The following AGBL4 variants were observed in gnomAD, a reference collection of about 807,000 sequenced individuals.
AGBL4 encodes the protein AGBL carboxypeptidase 4.
In AGBL4, 58 loss-of-function variants were observed where a neutral mutation model predicts 66.4. The ratio of observed to expected loss-of-function variants is 0.87; its 90% CI spans 0.71 to 1.09. The LOEUF (loss-of-function observed/expected upper bound fraction) is 1.09, where lower values mean the gene tolerates loss of function less well. AGBL4 is among the 50% of genes least tolerant of loss of function. The pLI, the probability that AGBL4 is intolerant of heterozygous loss-of-function variation, is 0.00. For synonymous variants in AGBL4, 234 were observed against 222.9 expected (o/e 1.05, Z -0.44); for missense variants, 579 against 631.0 (o/e 0.92, Z 0.88).
At chr1:49,664,769 T>C (rs1646330808) in intron 3 of AGBL4, among the ~76,000 whole-genome samples, 1 of 152,130 alleles carries the variant, frequency 6.6e-6, no homozygotes, top group Non-Finnish European at 1.5e-5. Context: ...ATTTTAGCCA[T>C]GGATATATAT....
intron 2 of AGBL4, among the ~76,000 whole-genome samples, chr1:49,769,216 C>CCACACA (rs111502919): frequency 3.2e-4 from 47 of 147,848 alleles, no homozygotes; most frequent in African/African-American, 6.2e-4. Context: ...TTTGTAATAG[C>CCACACA]CACACACACA....
intron 1 of AGBL4, among the ~76,000 whole-genome samples, chr1:49,892,983 T>C (rs12141450): frequency 0.03 from 4,641 of 152,210 alleles, 109 homozygotes; most frequent in Non-Finnish European, 0.043. Context: ...TTCACAGTCT[T>C]AGAAATAGTA....
intron 4 of AGBL4, among the ~76,000 whole-genome samples, chr1:49,155,196 T>C (rs1367100544): frequency 6.6e-6 from 1 of 152,140 alleles, no homozygotes; most frequent in Non-Finnish European, 1.5e-5. Flanking sequence ...TAACCTCCAA[T>C]GTAGATAATA....
At chr1:49,530,774 A>G (rs1418299490) in intron 3 of AGBL4, among the ~76,000 whole-genome samples, 1 of 152,052 alleles carries the variant, frequency 6.6e-6, no homozygotes, top group East Asian at 1.9e-4. Context: ...ACCATTTATT[A>G]TCATCCTGAA....
chr1:49,222,154 T>C (rs149971600), intron 4 of AGBL4, among the ~76,000 whole-genome samples: 521 of 152,252 alleles, frequency 3.4e-3, no homozygotes, highest in African/African-American at 0.012. Flanking sequence ...CAATCCCTGA[T>C]ACAATACCCA....
chr1:48,875,376 A>C (rs1312149822), intron 5 of AGBL4, among the ~76,000 whole-genome samples: 1 of 152,098 alleles, frequency 6.6e-6, no homozygotes, highest in African/African-American at 2.4e-5. Context: ...CCCTCATCAG[A>C]ATAATAAAAA....
intron 9 of AGBL4, among the ~76,000 whole-genome samples, chr1:48,593,943 C>T (rs319960): frequency 0.31 from 46,561 of 151,962 alleles, 7,385 homozygotes; most frequent in South Asian, 0.35. Context: ...GGGTGAAAAG[C>T]AATATGTAAG....
chr1:49,367,866 C>A (rs1330697906), intron 3 of AGBL4, among the ~76,000 whole-genome samples: 1 of 152,154 alleles, frequency 6.6e-6, no homozygotes, highest in African/African-American at 2.4e-5. Flanking sequence ...AGTTCCAGAA[C>A]ATATTAATCA....
chr1:49,792,425 G>A (rs1266825342), intron 2 of AGBL4, among the ~76,000 whole-genome samples: 1 of 151,956 alleles, frequency 6.6e-6, no homozygotes, highest in African/African-American at 2.4e-5. Flanking sequence ...TTATAAACCA[G>A]AGCAGAAGTA....
chr1:49,488,178 TA>T (rs1200694521), intron 3 of AGBL4, among the ~76,000 whole-genome samples: 1 of 151,784 alleles, frequency 6.6e-6, no homozygotes, highest in Admixed American at 6.6e-5. Flanking sequence ...TAAAAAGAAA[TA>T]AAAATTGTAA....
chr1:48,974,060 G>A (rs567569824), intron 5 of AGBL4, among the ~76,000 whole-genome samples: 3 of 152,226 alleles, frequency 2.0e-5, no homozygotes, highest in Admixed American at 6.6e-5. Context: ...GGAAATGGCT[G>A]TGAGAGAAAA....
At position 48,534,221 on chromosome 1, in the gene AGBL4, C is replaced by A. The variant is rs1343603099; in HGVS notation, c.1464G>T (p.Gly488=). The A allele has an allele frequency of 8.4e-6, 13 of 1,551,638 alleles. No individual in the cohort carries two copies. Among genetic ancestry groups the A allele is most frequent in the Non-Finnish European group, 1.1e-5 (13 of 1,146,942 alleles). The part of the protein sequence containing the change: ...GPASNYPNSK[G]DKKSSVNHKD... Reference sequence around the variant, plus strand: ...TGTGGTTCACTGAGCTCTTCTTGTCCCCTTTGCTGTTGGGGTAGTTGCTGG... The same window carrying A: ...TGTGGTTCACTGAGCTCTTCTTGTCACCTTTGCTGTTGGGGTAGTTGCTGG... Residue 488 remains glycine (G), a synonymous_variant, in exon 14 of 14, where the codon GGG becomes GGT. Coordinates refer to ENST00000371839, the MANE Select transcript of AGBL4 (RefSeq NM_032785.4).
chr1:50,023,222 G>A (rs1662576691), intron 1 of AGBL4, among the ~76,000 whole-genome samples: 1 of 152,152 alleles, frequency 6.6e-6, no homozygotes, highest in Non-Finnish European at 1.5e-5. Context: ...TCTGTGACCA[G>A]GAGTGACCCT....
intron 9 of AGBL4, among the ~76,000 whole-genome samples, chr1:48,600,972 G>A (rs319980): frequency 1.3e-5 from 2 of 151,888 alleles, no homozygotes; most frequent in Non-Finnish European, 2.9e-5. Flanking sequence ...CTTTCTCCAC[G>A]TCTATGCCTG....
chr1:49,228,711 C>A (rs1650090825), intron 4 of AGBL4, among the ~76,000 whole-genome samples: 1 of 152,044 alleles, frequency 6.6e-6, no homozygotes, highest in Non-Finnish European at 1.5e-5. Context: ...AAAGATCATG[C>A]CACTGTGGAG....
intron 3 of AGBL4, among the ~76,000 whole-genome samples, chr1:49,542,906 A>C (rs891919172): frequency 2.4e-4 from 36 of 147,990 alleles, no homozygotes; most frequent in Non-Finnish European, 4.5e-4. Context: ...CAAAAAAAAA[A>C]AAAAAAAAAA....
intron 1 of AGBL4, among the ~76,000 whole-genome samples, chr1:49,909,344 A>C (rs1489763170): frequency 1.3e-5 from 2 of 152,196 alleles, no homozygotes; most frequent in Admixed American, 6.5e-5. Flanking sequence ...ATAGAGGGTT[A>C]GAAATGGGTT....
At chr1:49,917,238 T>G (rs917077977) in intron 1 of AGBL4, among the ~76,000 whole-genome samples, 1 of 152,040 alleles carries the variant, frequency 6.6e-6, no homozygotes, top group South Asian at 2.1e-4. Flanking sequence ...CATAACAATA[T>G]TAACCTTAAA....
chr1:49,207,468 CTCTTTCTTTCTTTT>C (rs1290251113), intron 4 of AGBL4, among the ~76,000 whole-genome samples: 4 of 13,678 alleles, frequency 2.9e-4, no homozygotes, highest in Non-Finnish European at 2.3e-3. Context: ...TTCTTTCTTT[CTCTTTCTTTCTTTT>C]TCTTTCTTTC....
Sources: allele counts gnomAD v4.1 joint callset (sites outside exome capture counted in the v4.1 genomes callset), GRCh38; gene constraint gnomAD v4.1.1; transcripts MANE v1.5; gene names NCBI Gene and HGNC (gene_info 2026-07-23, HGNC 2026-07-21).